Variants in SOS2 observed in about 807,000 individuals in gnomAD.
SOS2 encodes son of sevenless homolog 2.
A neutral mutation model predicts 148.2 loss-of-function variants in SOS2; 65 were observed. The ratio of observed to expected loss-of-function variants is 0.44; its 90% CI spans 0.36 to 0.54. The LOEUF (loss-of-function observed/expected upper bound fraction) is 0.54. Ranked by LOEUF, SOS2 falls within the 20% of genes least tolerant of loss-of-function variation. The pLI, the probability that SOS2 is intolerant of heterozygous loss-of-function variation, is 0.00. For synonymous variants in SOS2, 539 were observed against 537.1 expected (o/e 1.00, Z -0.05); for missense variants, 1,341 against 1,590.2 (o/e 0.84, Z 2.67).
intron 1 of SOS2, among the ~76,000 whole-genome samples, chr14:50,206,630 G>A (rs1374090690): frequency 1.3e-5 from 2 of 152,150 alleles, no homozygotes; most frequent in African/African-American, 4.8e-5. Context: ...TATGGATTAA[G>A]AACCCAAGGA....
At chr14:50,180,532 TTAAAAAAAAAAA>T in intron 7 of SOS2, 28 bp downstream of exon 7, 2 of 465,886 alleles carry the variant, frequency 4.3e-6, no homozygotes, top group Non-Finnish European at 6.5e-6. Flanking sequence ...ATTTGCTTTA[TTAAAAAAAAAAA>T]AAAAAAAAAC....
rs536519575 is a variant in SOS2, at chr14:50,210,877, C to A, written c.88-6468G>T. ...TCACCAGGCAGCAAAACTAAAAATT[C>A]TGATAATATCAAATGTTGGTAACTA... On this transcript the variant is annotated intron_variant, in intron 1 of 22. Transcript: ENST00000216373. Among the ~76,000 whole-genome samples, 71 of 152,180 alleles carry A rather than the reference C, an allele frequency of 4.7e-4. 2 individuals carry two copies. Among genetic ancestry groups the A allele is most frequent in the African/African-American group, 1.7e-3 (70 of 41,530 alleles).
At chr14:50,210,870 A>G (rs1886847818) in intron 1 of SOS2, among the ~76,000 whole-genome samples, 1 of 152,182 alleles carries the variant, frequency 6.6e-6, no homozygotes, top group South Asian at 2.1e-4. Flanking sequence ...CAGCAAAACT[A>G]AAAATTCTGA....
At position 50,157,051 on chromosome 14, in the gene SOS2, T is replaced by C. The variant is rs1212774235; in HGVS notation, c.2005A>G (p.Ser669Gly). 1 of 1,612,644 alleles carries C rather than the reference T, an allele frequency of 6.2e-7. No individual in the cohort carries two copies. The highest frequency in any genetic ancestry group is 8.5e-7 in the Non-Finnish European group (1 of 1,179,218). Residue 669 changes from serine (S) to glycine (G), a missense_variant, in exon 12 of 23, where the codon AGT (serine) becomes GGT (glycine). Ser to Gly is a moderately conservative substitution (Grantham distance 56). Around this residue, in one of 4 missense-constraint regions of SOS2, gnomAD observed 408 missense variants for 506.6 expected, o/e 0.81. Transcript: ENST00000216373. Reference sequence around the variant, plus strand: ...TTGCGAAATCTTTTAAGGTCTGCACTGATTGGCTGCTCGCCTTTCTCTATT... The same window carrying C: ...TTGCGAAATCTTTTAAGGTCTGCACCGATTGGCTGCTCGCCTTTCTCTATT... ...LAIEKGEQPI[S>G]ADLKRFRKEY...
Position 50,160,104 on chromosome 14 carries a change from T to C in SOS2, c.1197-18A>G. The C allele has an allele frequency of 6.3e-7, 1 of 1,590,732 alleles. No individual in the cohort carries two copies. Among genetic ancestry groups the C allele is most frequent in the Non-Finnish European group, 8.6e-7 (1 of 1,167,358 alleles). ...CAGGATCTCTAGAAAAAACAAACAA[T>C]ATAGCTTATTCAACAGCTAGCAACC... On this transcript the variant is annotated intron_variant, in intron 9 of 22. Coordinates refer to ENST00000216373, the MANE Select transcript of SOS2 (RefSeq NM_006939.4).
chr14:50,164,097 C>A (rs986302689), intron 8 of SOS2, among the ~76,000 whole-genome samples: 4 of 151,960 alleles, frequency 2.6e-5, no homozygotes, highest in Non-Finnish European at 5.9e-5. Flanking sequence ...AATGAATATC[C>A]AACTAATATT....
intron 1 of SOS2, among the ~76,000 whole-genome samples, chr14:50,210,455 T>A (rs1886831593): frequency 6.6e-6 from 1 of 152,164 alleles, no homozygotes; most frequent in African/African-American, 2.4e-5. Flanking sequence ...TAAAACTAGA[T>A]AATATCTTCA....
At chr14:50,154,676 T>C (rs1594976877) in intron 12 of SOS2, among the ~76,000 whole-genome samples, 1 of 152,262 alleles carries the variant, frequency 6.6e-6, no homozygotes, top group East Asian at 1.9e-4. Flanking sequence ...CAAAAGCATG[T>C]TGAGTGAAAG....
chr14:50,118,174 G>A lies in SOS2; in HGVS notation c.*170C>T, dbSNP rs1883353613. ...CTGATCACCTGAGGATAATGGTGAA[G>A]GACTTTTGTATTTTTATTTTTCCAA... On this transcript the variant is annotated 3_prime_UTR_variant, in exon 23 of 23. Coordinates refer to ENST00000216373, the MANE Select transcript of SOS2 (RefSeq NM_006939.4). 4.7e-6 allele frequency: 3 copies of A among 632,486 alleles called. No individual in the cohort carries two copies. Among genetic ancestry groups the A allele is most frequent in the South Asian group, 2.2e-5 (1 of 46,432 alleles). The allele number at this position is 632,486 out of a possible 1,614,324, so 39.2% of individuals were successfully genotyped here. A position where few individuals can be genotyped will look rare whatever the true frequency, so the allele number is the denominator to read the frequency against.
intron 18 of SOS2, among the ~76,000 whole-genome samples, chr14:50,135,084 AAAAAAAAAG>A (rs1432139599): frequency 6.7e-6 from 1 of 149,726 alleles, no homozygotes; most frequent in African/African-American, 2.5e-5. Flanking sequence ...AAAAAAAAAA[AAAAAAAAAG>A]AAAGAAAGAA....
At chr14:50,226,018 T>G (rs369789718) in intron 1 of SOS2, among the ~76,000 whole-genome samples, 1 of 148,872 alleles carries the variant, frequency 6.7e-6, no homozygotes, top group African/African-American at 2.5e-5. Flanking sequence ...CCCCCCGCCC[T>G]TTTTTTTTCT....
At position 50,182,610 on chromosome 14, in the gene SOS2, A is replaced by T. The variant is rs1238430747; in HGVS notation, c.715-4T>A. On this transcript the variant is annotated splice_region_variant and splice_polypyrimidine_tract_variant and intron_variant, in intron 5 of 22. Transcript: ENST00000216373. ...TACTAAAAATCTTTTCGATATCCTG[A>T]AAAAAGAGAAGGAAGGTTAAGAAAT... 3.1e-6 allele frequency: 5 copies of T among 1,594,594 alleles called. No homozygotes were observed. In the Admixed American group the frequency reaches 8.5e-5, roughly 27 times the overall value.
intron 1 of SOS2, among the ~76,000 whole-genome samples, chr14:50,219,398 T>C (rs912974346): frequency 6.6e-6 from 1 of 152,162 alleles, no homozygotes; most frequent in Non-Finnish European, 1.5e-5. Flanking sequence ...AAAATAATCA[T>C]GCTGAAAGCC....
At position 50,198,123 on chromosome 14, in the gene SOS2, T is replaced by C. The variant is rs147888143; in HGVS notation, c.510+1568A>G. Among the ~76,000 whole-genome samples, 45 of 152,028 alleles carry C rather than the reference T, an allele frequency of 3.0e-4. No homozygotes were observed. The East Asian group carries it at 6.4e-3, about 22-fold the overall frequency. ...ATGAATGATTTTGGTAAAAAGATCA[T>C]TAGGATATGTGACAAAACTTGAATG... On this transcript the variant is annotated intron_variant, in intron 4 of 22. Transcript: ENST00000216373.
At chr14:50,133,995 T>C (rs1883992563) in intron 19 of SOS2, 128 bp downstream of exon 19, 1 of 673,570 alleles carries the variant, frequency 1.5e-6, no homozygotes, top group Non-Finnish European at 2.7e-6. Flanking sequence ...TTAGAAATAG[T>C]ATATTACTGC....
chr14:50,181,124 T>C (rs1885721345), intron 6 of SOS2, among the ~76,000 whole-genome samples: 1 of 152,174 alleles, frequency 6.6e-6, no homozygotes, highest in African/African-American at 2.4e-5. Context: ...AGCACTACAA[T>C]TCCACTTCCA....
At chr14:50,130,399 A>G (rs1883829911) in intron 20 of SOS2, 102 bp downstream of exon 20, 3 of 923,064 alleles carry the variant, frequency 3.3e-6, no homozygotes, top group Non-Finnish European at 4.9e-6. Flanking sequence ...TTTCACACTA[A>G]TATAGTTTGC....
chr14:50,169,080 G>A (rs1484063393), intron 8 of SOS2, among the ~76,000 whole-genome samples: 4 of 152,044 alleles, frequency 2.6e-5, no homozygotes, highest in South Asian at 4.2e-4. Flanking sequence ...GGGAGGCCAA[G>A]GCAGGCGGAT....
At chr14:50,198,240 C>T (rs1298853534) in intron 4 of SOS2, among the ~76,000 whole-genome samples, 1 of 151,438 alleles carries the variant, frequency 6.6e-6, no homozygotes, top group African/African-American at 2.4e-5. Context: ...GCAGAATGTT[C>T]TTGTTTATAG....
Sources: gnomAD v4.1 joint callset for allele counts (sites outside exome capture counted in the v4.1 genomes callset) on GRCh38, gnomAD v4.1.1 for gene constraint, gnomAD v4.1.1 regional missense constraint, MANE v1.5 for transcripts, NCBI Gene and HGNC (gene_info 2026-07-23, HGNC 2026-07-21) for gene names.